The following STRBP variants were observed in gnomAD, a reference collection of about 807,000 sequenced individuals.
STRBP encodes spermatid perinuclear RNA binding protein, also known as spermatid perinuclear RNA-binding protein.
STRBP carries 13 observed loss-of-function variants against 80.1 expected under a neutral mutation model. The observed-to-expected ratio is 0.16, with a 90% CI of 0.11 to 0.26. The LOEUF (loss-of-function observed/expected upper bound fraction) is 0.26. Among genes scored for constraint, STRBP ranks in the 10% least tolerant of loss-of-function variants. The probability of loss-of-function intolerance (pLI) is 1.00; values close to 1 mark genes in which losing one functional copy is unlikely to be tolerated. For synonymous variants in STRBP, 284 were observed against 291.2 expected (o/e 0.98, Z 0.25); for missense variants, 485 against 815.2 (o/e 0.59, Z 4.93).
At position 123,166,784 on chromosome 9, in the gene STRBP, AC is replaced by A. The variant is rs3049222; in HGVS notation, c.535+3117del. On this transcript the variant is annotated intron_variant, in intron 6 of 18. Coordinates refer to ENST00000348403, the MANE Select transcript of STRBP (RefSeq NM_018387.5). ...AACAACAACAACAACAACAACAACAACAACAACAAAAAAACAAGCCAAACGA... is the reference window on the plus strand; with the variant it reads ...AACAACAACAACAACAACAACAACAAAACAACAAAAAAACAAGCCAAACGA... Among the ~76,000 whole-genome samples, 84 of 137,002 alleles carry A rather than the reference AC, an allele frequency of 6.1e-4. 2 individuals are homozygous for A. The highest frequency in any genetic ancestry group is 4.8e-3 in the Admixed American group (69 of 14,244). The allele number at this position is 137,002 out of a possible 152,430, so 89.9% of individuals were successfully genotyped here.
Position 123,147,889 on chromosome 9 carries a change from G to T in STRBP, c.1046-19C>A. The T allele has an allele frequency of 1.3e-6, 2 of 1,596,524 alleles. No individual in the cohort carries two copies. Among genetic ancestry groups the T allele is most frequent in the Non-Finnish European group, 1.7e-6 (2 of 1,168,136 alleles). On this transcript the variant is annotated intron_variant, in intron 11 of 18. Coordinates refer to ENST00000348403, the MANE Select transcript of STRBP (RefSeq NM_018387.5). The stretch of plus-strand genomic sequence containing the variant: ...CCAGCACCTAAAAAAAATTATGAGG[G>T]ATTCATTATCAGTCAAAACAACAAT...
chr9:123,208,663 G>A (rs1267804375), intron 2 of STRBP, among the ~76,000 whole-genome samples: 2 of 152,152 alleles, frequency 1.3e-5, no homozygotes, highest in East Asian at 3.8e-4. Flanking sequence ...TTACCACATG[G>A]TCTTTCTTGC....
intron 1 of STRBP, among the ~76,000 whole-genome samples, chr9:123,268,189 G>A (rs1354548390): frequency 1.3e-5 from 2 of 151,822 alleles, no homozygotes; most frequent in East Asian, 2.0e-4. Context: ...AAGGCTGCCC[G>A]CTGCCCTTGC....
At chr9:123,223,094 G>C (rs1588125472) in intron 2 of STRBP, among the ~76,000 whole-genome samples, 1 of 145,542 alleles carries the variant, frequency 6.9e-6, no homozygotes, top group Non-Finnish European at 1.5e-5. Context: ...TAGATAGATA[G>C]ATAAAAATGA....
chr9:123,147,707 C>G (rs1364313732), intron 12 of STRBP, 71 bp downstream of exon 12: 6 of 718,806 alleles, frequency 8.3e-6, no homozygotes, highest in African/African-American at 3.8e-5. Context: ...AAACCCTTCA[C>G]TTTTAATTTT....
chr9:123,179,036 C>A lies in STRBP; in HGVS notation c.195G>T (p.Lys65Asn). 1 of 1,614,142 alleles carries A rather than the reference C, an allele frequency of 6.2e-7. No homozygotes were observed. The highest frequency in any genetic ancestry group is 8.5e-7 in the Non-Finnish European group (1 of 1,179,996). ...GTKTEGETEV[K>N]KDEAGENYSK... ...AATAGTTTTCTCCGGCCTCATCTTTCTTCACTTCTGTCTCACCCTCTGTTT... is the reference window on the plus strand; with the variant it reads ...AATAGTTTTCTCCGGCCTCATCTTTATTCACTTCTGTCTCACCCTCTGTTT... Residue 65 changes from lysine (K) to asparagine (N), a missense_variant, in exon 4 of 19, where the codon AAG becomes AAT. Lys to Asn is a moderately conservative substitution (Grantham distance 94, BLOSUM62 0). Around this residue, in one of 3 missense-constraint regions of STRBP, gnomAD observed 377 missense variants for 616.1 expected, o/e 0.61. Transcript: ENST00000348403.
chr9:123,248,621 C>T (rs4838035), intron 1 of STRBP, among the ~76,000 whole-genome samples: 46,913 of 151,952 alleles, frequency 0.31, 10,605 homozygotes, highest in East Asian at 0.68. Flanking sequence ...GGAAACTATA[C>T]AAACCTATAA....
chr9:123,145,663 C>CAGCTGCTACAGAACTTAGCTCTAA (rs2036782061), intron 13 of STRBP, among the ~76,000 whole-genome samples: 3 of 152,170 alleles, frequency 2.0e-5, no homozygotes, highest in Admixed American at 1.3e-4. Flanking sequence ...CTTTTCGTGT[C>CAGCTGCTACAGAACTTAGCTCTAA]AGCTGCTACA....
chr9:123,121,977 A>C lies in STRBP; in HGVS notation c.*3620T>G. The C allele has an allele frequency of 5.3e-6, 1 of 187,444 alleles. No individual in the cohort carries two copies. The highest frequency in any genetic ancestry group is 1.1e-5 in the Non-Finnish European group (1 of 90,488). 11.6% of individuals were successfully genotyped at this position (187,444 alleles called of 1,614,324 possible). ...CACACACACACACACACACACACTT[A>C]GTGTAAGTGAAATGTCTGTCTTGAG... On this transcript the variant is annotated 3_prime_UTR_variant, in exon 19 of 19. Coordinates refer to ENST00000348403, the MANE Select transcript of STRBP (RefSeq NM_018387.5).
At position 123,111,042 on chromosome 9, in the gene STRBP, G is replaced by A. The variant is rs3824533; in HGVS notation, c.*85-1289C>T. On this transcript the variant is annotated intron_variant and NMD_transcript_variant, in intron 3 of 3. Coordinates refer to the STRBP transcript ENST00000471564. Reference sequence around the variant, plus strand: ...TGGCAGCGGCCTCTGGCCCGCTGTCGGAATAGAAGAGGTATTTTTTGCAAC... The same window carrying A: ...TGGCAGCGGCCTCTGGCCCGCTGTCAGAATAGAAGAGGTATTTTTTGCAAC... The A allele has an allele frequency of 4.1e-3, 690 of 167,280 alleles. 17 individuals are homozygous for A. In the East Asian group the frequency reaches 0.059, roughly 14 times the overall value. 10.4% of individuals were successfully genotyped at this position (167,280 alleles called of 1,614,324 possible).
chr9:123,257,173 T>C (rs2041050819), intron 1 of STRBP, among the ~76,000 whole-genome samples: 1 of 152,250 alleles, frequency 6.6e-6, no homozygotes, highest in East Asian at 1.9e-4. Flanking sequence ...GTCAACAAAA[T>C]GAACCACTTA....
chr9:123,159,260 C>T, intron 8 of STRBP, 53 bp from the exon 9 acceptor site: 1 of 1,313,876 alleles, frequency 7.6e-7, no homozygotes, highest in South Asian at 1.2e-5. Flanking sequence ...TAAAAGGATT[C>T]CAGTTAAATG....
At chr9:123,257,588 G>A (rs1234699776) in intron 1 of STRBP, among the ~76,000 whole-genome samples, 1 of 152,218 alleles carries the variant, frequency 6.6e-6, no homozygotes, top group Non-Finnish European at 1.5e-5. Flanking sequence ...ACCCAGGCAG[G>A]AGGATGGCTT....
intron 1 of STRBP, among the ~76,000 whole-genome samples, chr9:123,259,501 G>A (rs1458355915): frequency 2.6e-5 from 4 of 152,146 alleles, no homozygotes; most frequent in Admixed American, 2.6e-4. Context: ...GAGGTCCGGA[G>A]TTCGAGACCA....
Position 123,223,072 on chromosome 9 carries a change from T to C in STRBP, c.-165+13758A>G, listed in dbSNP as rs185192636. 7.4e-4 allele frequency among the ~76,000 whole-genome samples: 112 copies of C among 151,696 alleles called. 1 individual carries two copies. The East Asian group carries it at 0.02, about 27-fold the overall frequency. On this transcript the variant is annotated intron_variant, in intron 2 of 18. Coordinates refer to ENST00000348403, the MANE Select transcript of STRBP (RefSeq NM_018387.5). ...GATGATAGATAGATAGATAGATAGA[T>C]AGATAGATAGATAGATAGATAGATA...
chr9:123,202,493 G>A (rs1016742306), intron 2 of STRBP, among the ~76,000 whole-genome samples: 2 of 152,088 alleles, frequency 1.3e-5, no homozygotes, highest in African/African-American at 4.8e-5. Flanking sequence ...AAAAATTCTT[G>A]GCTGACAGTT....
chr9:123,115,005 T>G lies in STRBP; in HGVS notation c.*84+924A>C. Reference sequence around the variant, plus strand: ...TTGCTCATCAGCCTTGCCTCCTGACTCTGGTCCTTGGCTATCCAACTGTCC... The same window carrying G: ...TTGCTCATCAGCCTTGCCTCCTGACGCTGGTCCTTGGCTATCCAACTGTCC... On this transcript the variant is annotated intron_variant and NMD_transcript_variant, in intron 3 of 3. Coordinates refer to the STRBP transcript ENST00000471564. The surrounding 1 kb of genome is among the most constrained non-coding windows in gnomAD (Gnocchi z 5.0). The G allele has an allele frequency of 2.8e-6, 1 of 361,936 alleles. No individual in the cohort carries two copies. 22.4% of individuals were successfully genotyped at this position (361,936 alleles called of 1,614,324 possible).
At chr9:123,198,919 GCTCT>G (rs949018420) in intron 2 of STRBP, among the ~76,000 whole-genome samples, 3 of 152,084 alleles carry the variant, frequency 2.0e-5, no homozygotes, top group African/African-American at 7.2e-5. Context: ...TTATTTCTGG[GCTCT>G]CTATTCTGTT....
intron 1 of STRBP, among the ~76,000 whole-genome samples, chr9:123,260,969 A>C (rs1474124750): frequency 6.6e-6 from 1 of 152,178 alleles, no homozygotes; most frequent in Non-Finnish European, 1.5e-5. Flanking sequence ...GCTTCCAAAC[A>C]ATTTTCTTAT....
Sources: gnomAD v4.1 joint callset for allele counts (sites outside exome capture counted in the v4.1 genomes callset) on GRCh38, gnomAD v4.1.1 for gene constraint, gnomAD v4.1.1 regional missense constraint, Gnocchi (gnomAD v3.1) non-coding constraint, MANE v1.5 for transcripts, NCBI Gene and HGNC (gene_info 2026-07-23, HGNC 2026-07-21) for gene names.